The following BCAS1 variants were observed in gnomAD, a reference collection of about 807,000 sequenced individuals.
The protein encoded by BCAS1 is breast carcinoma-amplified sequence 1.
Under a neutral mutation model 65.4 loss-of-function variants are expected in BCAS1, and 46 were observed. The ratio of observed to expected loss-of-function variants is 0.70; its 90% CI spans 0.55 to 0.90. The LOEUF is 0.90. Ranked by LOEUF, BCAS1 falls within the 40% of genes least tolerant of loss-of-function variation. The pLI is 0.00. For synonymous variants in BCAS1, 298 were observed against 293.5 expected (o/e 1.02, Z -0.16); for missense variants, 793 against 771.2 (o/e 1.03, Z -0.33).
intron 11 of BCAS1, among the ~76,000 whole-genome samples, chr20:53,954,404 A>C (rs1444131521): frequency 6.6e-6 from 1 of 150,694 alleles, no homozygotes; most frequent in Non-Finnish European, 1.5e-5. Flanking sequence ...TTTATGCTTA[A>C]GCCAGCTTTG....
chr20:53,974,928 C>T (rs370993434), intron 9 of BCAS1, among the ~76,000 whole-genome samples: 4 of 152,252 alleles, frequency 2.6e-5, no homozygotes, highest in East Asian at 3.9e-4. Context: ...AACCTGAGAC[C>T]GACATTCTCA....
chr20:54,001,632 C>T (rs1265363855), intron 4 of BCAS1, among the ~76,000 whole-genome samples: 6 of 152,154 alleles, frequency 3.9e-5, no homozygotes, highest in Non-Finnish European at 8.8e-5. Flanking sequence ...TCCTATGATT[C>T]TGCCCCCAAT....
chr20:54,008,306 C>T (rs555835519), intron 4 of BCAS1, among the ~76,000 whole-genome samples: 1 of 152,224 alleles, frequency 6.6e-6, no homozygotes, highest in Non-Finnish European at 1.5e-5. Flanking sequence ...CCCTCCCCAC[C>T]ATGGTGTCCG....
intron 4 of BCAS1, among the ~76,000 whole-genome samples, chr20:54,025,352 TG>T (rs1332691713): frequency 6.6e-6 from 1 of 152,216 alleles, no homozygotes; most frequent in Non-Finnish European, 1.5e-5. Context: ...ACCTCATCCC[TG>T]CCAACACATT....
chr20:53,983,904 C>T (rs924876399), intron 8 of BCAS1, among the ~76,000 whole-genome samples: 1 of 152,154 alleles, frequency 6.6e-6, no homozygotes, highest in Non-Finnish European at 1.5e-5. Context: ...TTCTCCTTCA[C>T]AGATGTCTTC....
At chr20:53,997,278 G>A (rs2090942404) in intron 4 of BCAS1, among the ~76,000 whole-genome samples, 1 of 152,234 alleles carries the variant, frequency 6.6e-6, no homozygotes, top group South Asian at 2.1e-4. Context: ...GAGGCCCACA[G>A]AAGGCATTCA....
intron 3 of BCAS1, among the ~76,000 whole-genome samples, chr20:54,039,861 G>A (rs897355734): frequency 7.3e-5 from 11 of 151,162 alleles, no homozygotes; most frequent in Middle Eastern, 3.2e-3. Context: ...ACACAAACAC[G>A]TATAAGCATC....
intron 3 of BCAS1, among the ~76,000 whole-genome samples, chr20:54,033,366 T>A (rs893172048): frequency 1.0e-5 from 1 of 97,692 alleles, no homozygotes; most frequent in African/African-American, 3.9e-5. Flanking sequence ...CAGGAGCTGT[T>A]TTTTTTTTGA....
chr20:53,947,588 G>C (rs6022870), intron 12 of BCAS1, among the ~76,000 whole-genome samples: 1 of 152,164 alleles, frequency 6.6e-6, no homozygotes, highest in African/African-American at 2.4e-5. Context: ...CAGCCCACGA[G>C]GTTGACGCCA....
Position 53,967,220 on chromosome 20 carries a change from G to A in BCAS1, c.1318-147C>T, listed in dbSNP as rs545522548. The A allele has an allele frequency of 1.1e-4, 84 of 790,272 alleles. No individual in the cohort carries two copies. In the African/African-American group the frequency reaches 1.4e-3, roughly 13 times the overall value. The allele number at this position is 790,272 out of a possible 1,614,324, so 49.0% of individuals were successfully genotyped here. On this transcript the variant is annotated intron_variant, in intron 9 of 12. Coordinates refer to ENST00000688948, the MANE Select transcript of BCAS1 (RefSeq NM_001366298.2). The stretch of plus-strand genomic sequence containing the variant: ...ACCATTTCTACACAGGCACATCTTG[G>A]AGAAGTAATGCTTATGTTGTACAAC...
intron 3 of BCAS1, among the ~76,000 whole-genome samples, chr20:54,057,564 C>G (rs1405015501): frequency 6.6e-6 from 1 of 152,236 alleles, no homozygotes; most frequent in African/African-American, 2.4e-5. Context: ...CACACACACT[C>G]AGAAGAGATC....
At chr20:54,057,461 G>T (rs952189722) in intron 3 of BCAS1, among the ~76,000 whole-genome samples, 2 of 152,124 alleles carry the variant, frequency 1.3e-5, no homozygotes, top group Admixed American at 1.3e-4. Flanking sequence ...TAATCTGCAG[G>T]GCAGAGATTG....
rs538426774 is a variant in BCAS1, at chr20:53,994,178, T to C, written c.927+834A>G. On this transcript the variant is annotated intron_variant, in intron 6 of 12. Transcript: ENST00000688948. ...TGTAGGGGGCAAACCAAGCCATGTA[T>C]CTGATCCCACTGTTTTTCAAAGCAC... 1.1e-4 allele frequency among the ~76,000 whole-genome samples: 17 copies of C among 152,340 alleles called. 1 individual carries two copies. In the South Asian group the frequency reaches 3.3e-3, roughly 30 times the overall value.
intron 11 of BCAS1, among the ~76,000 whole-genome samples, chr20:53,955,995 T>C (rs1391658560): frequency 6.6e-6 from 1 of 152,152 alleles, no homozygotes; most frequent in East Asian, 1.9e-4. Context: ...ATTATGGAAA[T>C]AAAAATACAA....
At chr20:54,020,159 G>A (rs920230825) in intron 4 of BCAS1, among the ~76,000 whole-genome samples, 2 of 152,104 alleles carry the variant, frequency 1.3e-5, no homozygotes, top group African/African-American at 4.8e-5. Context: ...GTGGGCATCG[G>A]TGACCAATTT....
chr20:53,994,888 T>TACACAC (rs11471603), intron 6 of BCAS1, 124 bp downstream of exon 6: 71,188 of 554,596 alleles, frequency 0.13, 2,270 homozygotes, highest in Middle Eastern at 0.19. Context: ...ATAGATATGA[T>TACACAC]ACACACACAC....
At chr20:53,966,518 C>T (rs938589173) in intron 10 of BCAS1, among the ~76,000 whole-genome samples, 1 of 152,138 alleles carries the variant, frequency 6.6e-6, no homozygotes, top group Admixed American at 6.5e-5. Context: ...AGACTGCATA[C>T]TGGCTGTAGT....
chr20:54,014,007 A>G (rs1276589276), intron 4 of BCAS1, among the ~76,000 whole-genome samples: 1 of 152,250 alleles, frequency 6.6e-6, no homozygotes, highest in African/African-American at 2.4e-5. Flanking sequence ...TATTAAAATT[A>G]AGACTAAAGC....
chr20:53,996,706 C>A (rs1467704738), intron 4 of BCAS1, among the ~76,000 whole-genome samples: 1 of 152,066 alleles, frequency 6.6e-6, no homozygotes, highest in Non-Finnish European at 1.5e-5. Flanking sequence ...ACAGCCCTGG[C>A]CTTGTCTCTG....
Sources: allele counts gnomAD v4.1 joint callset (sites outside exome capture counted in the v4.1 genomes callset), GRCh38; gene constraint gnomAD v4.1.1; transcripts MANE v1.5; gene names NCBI Gene and HGNC (gene_info 2026-07-23, HGNC 2026-07-21).